The following SLC25A21 variants were observed in gnomAD, a reference collection of about 807,000 sequenced individuals.
SLC25A21 encodes mitochondrial 2-oxodicarboxylate carrier.
SLC25A21 carries 47 observed loss-of-function variants against 43.8 expected under a neutral mutation model. The observed-to-expected ratio is 1.07, with a 90% CI of 0.85 to 1.37. The LOEUF (loss-of-function observed/expected upper bound fraction) is 1.37. SLC25A21 is among the 40% of genes most tolerant of loss of function. The pLI, the probability that SLC25A21 is intolerant of heterozygous loss-of-function variation, is 0.00. For synonymous variants in SLC25A21, 131 were observed against 121.3 expected, an observed-to-expected ratio of 1.08 and a Z score of -0.52; for missense variants, 352 against 350.2, an observed-to-expected ratio of 1.00 and a Z score of -0.04.
chr14:36,766,969 G>A (rs1886439865), intron 3 of SLC25A21, among the ~76,000 whole-genome samples: 1 of 152,130 alleles, frequency 6.6e-6, no homozygotes, highest in South Asian at 2.1e-4. Flanking sequence ...GCCTAATATT[G>A]TGTGATATAA....
At chr14:36,685,458 A>G (rs1326552243) in intron 7 of SLC25A21, among the ~76,000 whole-genome samples, 1 of 152,146 alleles carries the variant, frequency 6.6e-6, no homozygotes, top group Admixed American at 6.5e-5. Flanking sequence ...CTGTACTGAG[A>G]AGTGCTAGCT....
intron 7 of SLC25A21, among the ~76,000 whole-genome samples, chr14:36,704,580 C>A (rs1008347187): frequency 1.5e-4 from 22 of 151,078 alleles, no homozygotes; most frequent in Middle Eastern, 6.8e-3. Context: ...TCGCTTGAAC[C>A]CGGGAGGCGG....
chr14:37,105,453 G>T (rs1255990079), intron 1 of SLC25A21, among the ~76,000 whole-genome samples: 1 of 152,186 alleles, frequency 6.6e-6, no homozygotes, highest in Non-Finnish European at 1.5e-5. Flanking sequence ...AGGTATCCCA[G>T]GGGGATGGGG....
intron 1 of SLC25A21, among the ~76,000 whole-genome samples, chr14:37,052,413 G>A (rs1408749240): frequency 6.6e-6 from 1 of 152,116 alleles, no homozygotes; most frequent in Non-Finnish European, 1.5e-5. Flanking sequence ...CTTAAGGGAA[G>A]GGGCATAGAA....
At chr14:36,949,735 C>T (rs1346625565) in intron 1 of SLC25A21, among the ~76,000 whole-genome samples, 2 of 152,038 alleles carry the variant, frequency 1.3e-5, no homozygotes, top group Non-Finnish European at 2.9e-5. Flanking sequence ...TTCCTATTTT[C>T]TAAAAGTCTA....
In SLC25A21 at chr14:36,789,794, A is replaced by AATATATTTTATATATTAT. The variant is rs1203986704; in HGVS notation, c.203+24106_203+24123dup. 8.8e-4 allele frequency among the ~76,000 whole-genome samples: 96 copies of AATATATTTTATATATTAT among 109,334 alleles called. 8 individuals are homozygous for AATATATTTTATATATTAT. The highest frequency in any genetic ancestry group is 3.5e-3 in the African/African-American group (93 of 26,256). The allele number at this position is 109,334 out of a possible 152,430, so 71.7% of individuals were successfully genotyped here. On this transcript the variant is annotated intron_variant, in intron 3 of 9. Coordinates refer to ENST00000331299, the MANE Select transcript of SLC25A21 (RefSeq NM_030631.4). ...TAATACATTTTATATATTTATATAT[A>AATATATTTTATATATTAT]ATATATTTTATATATTATATATAAT...
chr14:36,678,799 C>T lies in SLC25A21; in HGVS notation c.*1859G>A. On this transcript the variant is annotated 3_prime_UTR_variant, in exon 10 of 10. Coordinates refer to ENST00000331299, the MANE Select transcript of SLC25A21 (RefSeq NM_030631.4). ...TCTAATATTAATGGTATTGAAGTTT[C>T]CTTTTCTCCCTCTAGGTCTTAACAG... 9.8e-7 allele frequency: 1 copy of T among 1,017,298 alleles called. No homozygotes were observed. The highest frequency in any genetic ancestry group is 1.2e-6 in the Non-Finnish European group (1 of 841,188). 63.0% of individuals were successfully genotyped at this position (1,017,298 alleles called of 1,614,324 possible). A position where few individuals can be genotyped will look rare whatever the true frequency, so the allele number is the denominator to read the frequency against.
At chr14:36,956,648 G>A (rs1268566237) in intron 1 of SLC25A21, among the ~76,000 whole-genome samples, 1 of 152,014 alleles carries the variant, frequency 6.6e-6, no homozygotes, top group Non-Finnish European at 1.5e-5. Flanking sequence ...TTCATTTTTA[G>A]ATACATGGAA....
intron 1 of SLC25A21, among the ~76,000 whole-genome samples, chr14:36,947,248 G>A (rs1239461642): frequency 2.0e-5 from 3 of 152,170 alleles, no homozygotes; most frequent in East Asian, 3.9e-4. Context: ...CAGAACTTGT[G>A]TATTTTAACA....
chr14:37,084,563 C>T (rs1210812149), intron 1 of SLC25A21, among the ~76,000 whole-genome samples: 2 of 152,212 alleles, frequency 1.3e-5, no homozygotes, highest in African/African-American at 2.4e-5. Flanking sequence ...GTTTTTCTAC[C>T]AAAATATGTT....
intron 1 of SLC25A21, among the ~76,000 whole-genome samples, chr14:37,150,231 T>C (rs951538733): frequency 1.3e-5 from 2 of 152,130 alleles, no homozygotes; most frequent in African/African-American, 2.4e-5. Context: ...CCCTAATAAC[T>C]TTGAAAAACA....
chr14:37,146,700 A>G (rs1963671264), intron 1 of SLC25A21, among the ~76,000 whole-genome samples: 1 of 152,212 alleles, frequency 6.6e-6, no homozygotes, highest in Admixed American at 6.5e-5. Flanking sequence ...AAACATGTCA[A>G]TGTTACTTAC....
intron 7 of SLC25A21, among the ~76,000 whole-genome samples, chr14:36,689,422 G>A (rs1882699174): frequency 6.6e-6 from 1 of 150,574 alleles, no homozygotes; most frequent in Non-Finnish European, 1.5e-5. Flanking sequence ...TGGGGAGTGT[G>A]TCTGTTGATT....
chr14:37,076,132 G>C (rs1428170789), intron 1 of SLC25A21, among the ~76,000 whole-genome samples: 1 of 152,100 alleles, frequency 6.6e-6, no homozygotes, highest in South Asian at 2.1e-4. Context: ...TTCATATGTA[G>C]AGGCCACATT....
intron 1 of SLC25A21, among the ~76,000 whole-genome samples, chr14:37,143,937 C>T (rs1963615983): frequency 6.6e-6 from 1 of 152,146 alleles, no homozygotes. Flanking sequence ...AATGCAGTTG[C>T]TGTTTTCCTA....
intron 1 of SLC25A21, among the ~76,000 whole-genome samples, chr14:36,886,955 T>C (rs1164488505): frequency 6.6e-6 from 1 of 152,104 alleles, no homozygotes; most frequent in Non-Finnish European, 1.5e-5. Context: ...ATGTGGGCTT[T>C]TACCACAATC....
At chr14:36,728,330 T>C (rs1884681610) in intron 5 of SLC25A21, among the ~76,000 whole-genome samples, 1 of 152,232 alleles carries the variant, frequency 6.6e-6, no homozygotes, top group African/African-American at 2.4e-5. Context: ...GTTTCTCACA[T>C]GGTACCAATG....
intron 6 of SLC25A21, among the ~76,000 whole-genome samples, chr14:36,711,948 T>C (rs1184590754): frequency 6.6e-6 from 1 of 152,230 alleles, no homozygotes; most frequent in Non-Finnish European, 1.5e-5. Context: ...TTGATTCAAT[T>C]GCCTCAATGG....
intron 1 of SLC25A21, among the ~76,000 whole-genome samples, chr14:37,161,862 C>T (rs538617644): frequency 9.0e-4 from 134 of 148,254 alleles, no homozygotes; most frequent in African/African-American, 3.3e-3. Flanking sequence ...ACTCGGCAGG[C>T]TGAGGCAGGA....
Sources: gnomAD v4.1 joint callset for allele counts (sites outside exome capture counted in the v4.1 genomes callset) on GRCh38, gnomAD v4.1.1 for gene constraint, MANE v1.5 for transcripts, NCBI Gene and HGNC (gene_info 2026-07-23, HGNC 2026-07-21) for gene names.